The following TMEM135 variants were observed in gnomAD, a reference collection of about 807,000 sequenced individuals.
TMEM135 encodes the protein peroxisomal membrane protein 52.
TMEM135 carries 30 observed loss-of-function variants against 60.3 expected under a neutral mutation model. The ratio of observed to expected loss-of-function variants is 0.50; its 90% CI spans 0.37 to 0.68. The LOEUF (loss-of-function observed/expected upper bound fraction) is 0.68. Ranked by LOEUF, TMEM135 falls within the 30% of genes least tolerant of loss-of-function variation. TMEM135 has a pLI of 0.00. For synonymous variants in TMEM135, 190 were observed against 186.7 expected (o/e 1.02, Z -0.14); for missense variants, 468 against 548.8 (o/e 0.85, Z 1.47).
intron 4 of TMEM135, among the ~76,000 whole-genome samples, chr11:87,112,109 T>A (rs1282560541): frequency 6.6e-6 from 1 of 152,172 alleles, no homozygotes; most frequent in African/African-American, 2.4e-5. Context: ...TTTTAATTAA[T>A]GTTGAATCTA....
At chr11:87,314,995 A>T (rs1942703499) in intron 12 of TMEM135, among the ~76,000 whole-genome samples, 2 of 151,952 alleles carry the variant, frequency 1.3e-5, no homozygotes, top group African/African-American at 4.8e-5. Flanking sequence ...CCTCCCAGTA[A>T]TTCCATACTA....
intron 5 of TMEM135, among the ~76,000 whole-genome samples, chr11:87,231,888 A>G (rs1051696860): frequency 1.3e-5 from 2 of 152,134 alleles, no homozygotes; most frequent in Non-Finnish European, 2.9e-5. Flanking sequence ...TGCAGAATAA[A>G]ATATTAGTGA....
chr11:87,149,032 TTG>T lies in TMEM135; in HGVS notation c.397-8277_397-8276del, dbSNP rs553840798. The stretch of plus-strand genomic sequence containing the variant: ...CTTAGCACCAAATCCCCCCATACCT[TTG>T]TGTGTGTGTGTGTGTGTGTGTGTGT... On this transcript the variant is annotated intron_variant, in intron 4 of 14. Transcript: ENST00000305494. 4.7e-3 allele frequency among the ~76,000 whole-genome samples: 673 copies of T among 142,810 alleles called. 1 individual carries two copies. The highest frequency in any genetic ancestry group is 9.4e-3 in the African/African-American group (370 of 39,254). The allele number at this position is 142,810 out of a possible 152,430, so 93.7% of individuals were successfully genotyped here. A position where few individuals can be genotyped will look rare whatever the true frequency, so the allele number is the denominator to read the frequency against.
chr11:87,275,191 C>T (rs771350968), intron 6 of TMEM135, among the ~76,000 whole-genome samples: 2 of 152,012 alleles, frequency 1.3e-5, no homozygotes, highest in African/African-American at 4.8e-5. Flanking sequence ...TTCTCTTCTG[C>T]GGCATGGTTG....
At chr11:87,061,648 A>G (rs1226864704) in intron 1 of TMEM135, among the ~76,000 whole-genome samples, 2 of 152,222 alleles carry the variant, frequency 1.3e-5, no homozygotes, top group African/African-American at 4.8e-5. Flanking sequence ...TGGTACTAGT[A>G]AGGCTAAGAT....
chr11:87,297,047 A>G (rs1001109968), intron 7 of TMEM135, among the ~76,000 whole-genome samples: 44 of 152,324 alleles, frequency 2.9e-4, no homozygotes, highest in African/African-American at 9.9e-4. Context: ...ACATTGTTTC[A>G]GAAAGATTGG....
chr11:87,119,450 C>T (rs934438512), intron 4 of TMEM135, among the ~76,000 whole-genome samples: 5 of 152,232 alleles, frequency 3.3e-5, no homozygotes, highest in Non-Finnish European at 5.9e-5. Context: ...TGCGTGTAAT[C>T]GCAGCACTTT....
Position 87,328,273 on chromosome 11 carries a change from G to A in TMEM135, c.*6940G>A. 1 of 453,980 alleles carries A rather than the reference G, an allele frequency of 2.2e-6. No individual in the cohort carries two copies. Among genetic ancestry groups the A allele is most frequent in the African/African-American group, 2.0e-5 (1 of 50,072 alleles). The allele number at this position is 453,980 out of a possible 1,614,324, so 28.1% of individuals were successfully genotyped here. ...ACTCTTCTGTGTATGCTAAAATACT[G>A]TCAATCTCGTCTTTGAAGGTTTTGC... is the stretch of plus-strand genomic sequence containing the variant. On this transcript the variant is annotated 3_prime_UTR_variant, in exon 15 of 15. Transcript: ENST00000305494.
At chr11:87,168,202 C>T (rs561215381) in intron 5 of TMEM135, among the ~76,000 whole-genome samples, 21 of 151,776 alleles carry the variant, frequency 1.4e-4, no homozygotes, top group African/African-American at 3.6e-4. Context: ...TTGTCTCTTT[C>T]GTTCTTTATT....
At chr11:87,251,539 T>C (rs1483314848) in intron 6 of TMEM135, among the ~76,000 whole-genome samples, 2 of 152,170 alleles carry the variant, frequency 1.3e-5, no homozygotes, top group South Asian at 4.1e-4. Flanking sequence ...ATACGACACA[T>C]TGTCTTTCAA....
At chr11:87,235,781 A>G (rs1171985551) in intron 5 of TMEM135, among the ~76,000 whole-genome samples, 1 of 151,988 alleles carries the variant, frequency 6.6e-6, no homozygotes, top group Non-Finnish European at 1.5e-5. Flanking sequence ...CTAAGACGTT[A>G]GTCAGGACTG....
intron 1 of TMEM135, among the ~76,000 whole-genome samples, chr11:87,062,518 C>T (rs942100159): frequency 2.1e-5 from 3 of 142,184 alleles, no homozygotes; most frequent in Admixed American, 1.6e-4. Flanking sequence ...GGTTGGAGTG[C>T]CATGGTGTGA....
rs192846979 is a variant in TMEM135 at position 87,324,019 on chromosome 11, T to C, written c.*2686T>C. 1.8e-4 allele frequency: 82 copies of C among 453,982 alleles called. No homozygotes were observed. The East Asian group carries it at 5.0e-3, about 28-fold the overall frequency. The allele number at this position is 453,982 out of a possible 1,614,324, so 28.1% of individuals were successfully genotyped here. On this transcript the variant is annotated 3_prime_UTR_variant, in exon 15 of 15. Coordinates refer to ENST00000305494, the MANE Select transcript of TMEM135 (RefSeq NM_022918.4). ...TTATATTTTTTTGGCTCTCAGATTTTATAATGAACTTTTATTAGACTGAAC... is the reference window on the plus strand; with the variant it reads ...TTATATTTTTTTGGCTCTCAGATTTCATAATGAACTTTTATTAGACTGAAC...
chr11:87,170,360 A>G (rs1157151328), intron 5 of TMEM135, among the ~76,000 whole-genome samples: 1 of 152,070 alleles, frequency 6.6e-6, no homozygotes, highest in Non-Finnish European at 1.5e-5. Flanking sequence ...GGAGGAGAAG[A>G]GGCATTCTGG....
chr11:87,136,521 TAAG>T (rs1237794563), intron 4 of TMEM135, among the ~76,000 whole-genome samples: 2 of 152,074 alleles, frequency 1.3e-5, no homozygotes, highest in Non-Finnish European at 2.9e-5. Context: ...AAGAATGACT[TAAG>T]TAGAATTTCT....
chr11:87,284,296 T>G (rs1302403517), intron 6 of TMEM135, among the ~76,000 whole-genome samples: 1 of 152,236 alleles, frequency 6.6e-6, no homozygotes, highest in African/African-American at 2.4e-5. Flanking sequence ...AGGAAATTTA[T>G]TCTGATTAAC....
intron 3 of TMEM135, among the ~76,000 whole-genome samples, chr11:87,083,980 T>C (rs1857044464): frequency 6.6e-6 from 1 of 152,090 alleles, no homozygotes; most frequent in Non-Finnish European, 1.5e-5. Flanking sequence ...TTCATATGCA[T>C]ATATAGGATA....
At chr11:87,105,436 C>A (rs1857569840) in intron 4 of TMEM135, among the ~76,000 whole-genome samples, 1 of 152,102 alleles carries the variant, frequency 6.6e-6, no homozygotes, top group African/African-American at 2.4e-5. Context: ...AAACCAACTC[C>A]CACGGACCCA....
intron 3 of TMEM135, among the ~76,000 whole-genome samples, chr11:87,087,713 T>C (rs2513220): frequency 0.66 from 100,874 of 151,998 alleles, 34,495 homozygotes; most frequent in East Asian, 0.88. Flanking sequence ...TCTGATGGAA[T>C]TCTATTCCAT....
Sources: allele counts gnomAD v4.1 joint callset (sites outside exome capture counted in the v4.1 genomes callset), GRCh38; gene constraint gnomAD v4.1.1; transcripts MANE v1.5; gene names NCBI Gene and HGNC (gene_info 2026-07-23, HGNC 2026-07-21).